WNK3: variants seen among roughly 807,000 people sequenced by gnomAD.
WNK3 encodes serine/threonine-protein kinase WNK3.
A neutral mutation model predicts 116.7 loss-of-function variants in WNK3; 18 were observed. The ratio of observed to expected loss-of-function variants is 0.15; its 90% CI spans 0.11 to 0.23. The LOEUF (loss-of-function observed/expected upper bound fraction) is 0.23, where lower values mean the gene tolerates loss of function less well. Ranked by LOEUF, WNK3 falls within the 10% of genes least tolerant of loss-of-function variation. WNK3 has a pLI of 1.00. For synonymous variants in WNK3, 404 were observed against 469.4 expected, an observed-to-expected ratio of 0.86 and a Z score of 1.80; for missense variants, 993 against 1,323.8, an observed-to-expected ratio of 0.75 and a Z score of 3.88.
intron 20 of WNK3, among the ~76,000 whole-genome samples, chrX:54,233,491 A>G (rs782450544): frequency 9.5e-4 from 97 of 102,379 alleles, no homozygotes; most frequent in African/African-American, 3.6e-3. Flanking sequence ...GAGGGAGGGA[A>G]GGAAGGAAGG....
Position 54,350,638 on chromosome X carries a change from T to C in WNK3, c.-120+7048A>G, listed in dbSNP as rs781789727. 1.7e-3 allele frequency among the ~76,000 whole-genome samples: 189 copies of C among 111,544 alleles called. 1 individual carries two copies. The highest frequency in any genetic ancestry group is 6.0e-3 in the African/African-American group (185 of 30,806). On this transcript the variant is annotated intron_variant, in intron 1 of 23. Coordinates refer to ENST00000354646, the Ensembl canonical transcript of WNK3. ...TGGAATAGCCTTTTCATAGGGCAAA[T>C]TCCAAGTATCTAGTGCATAACTGTC...
chrX:54,300,646 T>G (rs1319885002), intron 6 of WNK3, among the ~76,000 whole-genome samples: 1 of 111,773 alleles, frequency 8.9e-6, no homozygotes, highest in Non-Finnish European at 1.9e-5. Flanking sequence ...ATAGAACATA[T>G]TTAAAGGCTG....
chrX:54,238,467 T>C (rs782779614), exon 19 of WNK3: 2 of 1,202,429 alleles, frequency 1.7e-6, no homozygotes, highest in South Asian at 1.8e-5. Context: ...ATCTCTTCTG[T>C]TTCCACTGCA....
intron 22 of WNK3, among the ~76,000 whole-genome samples, chrX:54,217,566 G>A (rs1306929651): frequency 1.8e-5 from 2 of 108,187 alleles, no homozygotes; most frequent in African/African-American, 6.8e-5. Context: ...AGGTTGCAGT[G>A]AGCCGAGATC....
At chrX:54,355,767 T>C (rs2069585911) in intron 1 of WNK3, among the ~76,000 whole-genome samples, 1 of 111,718 alleles carries the variant, frequency 9.0e-6, no homozygotes, top group Non-Finnish European at 1.9e-5. Flanking sequence ...ATGCTTACAC[T>C]TTCAAGACCC....
At position 54,307,789 on chromosome X, in the gene WNK3, T is replaced by C. The variant is rs782348694; in HGVS notation, c.1089+133A>G. 9 of 496,699 alleles carry C rather than the reference T, an allele frequency of 1.8e-5. No individual in the cohort carries two copies. The African/African-American group carries it at 1.9e-4, about 11-fold the overall frequency. 40.9% of individuals were successfully genotyped at this position (496,699 alleles called of 1,213,427 possible). A position where few individuals can be genotyped will look rare whatever the true frequency, so the allele number is the denominator to read the frequency against. Reference sequence around the variant, plus strand: ...TCATATGGTATAAATCTAAGGCTTGTTGCATTACAATTGTTAATTTTAATA... The same window carrying C: ...TCATATGGTATAAATCTAAGGCTTGCTGCATTACAATTGTTAATTTTAATA... On this transcript the variant is annotated intron_variant, in intron 5 of 23. Coordinates refer to ENST00000354646, the Ensembl canonical transcript of WNK3.
rs1466945264 is a variant in WNK3 at position 54,234,608 on chromosome X, C to T, written c.4629-1588G>A. On this transcript the variant is annotated intron_variant, in intron 20 of 23. Transcript: ENST00000354646. ...TTGGGAGGCTAAGGCAGGCGGATCA[C>T]GAGGTCAGGAGATTGAGATCATCCC... 3.6e-5 allele frequency among the ~76,000 whole-genome samples: 4 copies of T among 111,351 alleles called. No homozygotes were observed. In the East Asian group the frequency reaches 8.4e-4, roughly 23 times the overall value.
intron 2 of WNK3, among the ~76,000 whole-genome samples, chrX:54,324,143 G>A (rs1370414381): frequency 1.8e-5 from 2 of 111,581 alleles, no homozygotes; most frequent in African/African-American, 6.5e-5. Context: ...CATCACTCCA[G>A]CCTCTGCTTC....
chrX:54,341,431 C>T (rs948002503), intron 1 of WNK3, among the ~76,000 whole-genome samples: 22 of 107,871 alleles, frequency 2.0e-4, no homozygotes, highest in African/African-American at 6.7e-4. Flanking sequence ...GCAATAAAAA[C>T]GAATGGTGTC....
At chrX:54,317,501 C>T (rs1421148109) in intron 2 of WNK3, among the ~76,000 whole-genome samples, 6 of 110,397 alleles carry the variant, frequency 5.4e-5, no homozygotes, top group African/African-American at 9.9e-5. Flanking sequence ...GTGAAATAAA[C>T]GAGACAGGAA....
intron 8 of WNK3, 113 bp downstream of exon 8, chrX:54,294,440 T>C (rs1172615288): frequency 1.6e-5 from 9 of 545,998 alleles, no homozygotes; most frequent in Non-Finnish European, 2.4e-5. Flanking sequence ...TAAGCAAACA[T>C]ACAAAAAGGA....
chrX:54,232,775 G>T (rs781875573), intron 21 of WNK3, 34 bp downstream of exon 21: 7 of 1,156,712 alleles, frequency 6.1e-6, no homozygotes, highest in Non-Finnish European at 8.2e-6. Context: ...TCTTGGACTA[G>T]ATTTTTTAAA....
At chrX:54,226,871 G>T (rs1181291534) in intron 22 of WNK3, among the ~76,000 whole-genome samples, 3 of 111,286 alleles carry the variant, frequency 2.7e-5, no homozygotes, top group Non-Finnish European at 5.7e-5. Flanking sequence ...ACAAACAAAA[G>T]AAATTATAGG....
intron 1 of WNK3, among the ~76,000 whole-genome samples, chrX:54,334,637 C>T (rs1396516321): frequency 8.9e-6 from 1 of 112,443 alleles, no homozygotes; most frequent in Non-Finnish European, 1.9e-5. Context: ...ATTGCTTCCA[C>T]CTTTTGACTA....
chrX:54,299,958 C>A (rs1276622233), intron 6 of WNK3, among the ~76,000 whole-genome samples: 3 of 110,608 alleles, frequency 2.7e-5, no homozygotes, highest in Non-Finnish European at 3.8e-5. Context: ...CTCCCAGGTT[C>A]GAGCAATTCT....
At chrX:54,291,616 C>T (rs1204659342) in intron 10 of WNK3, among the ~76,000 whole-genome samples, 1 of 111,615 alleles carries the variant, frequency 9.0e-6, no homozygotes, top group Admixed American at 9.6e-5. Context: ...AAATAGGCAC[C>T]ATATCACTTA....
intron 20 of WNK3, among the ~76,000 whole-genome samples, chrX:54,235,349 G>A (rs1016986354): frequency 6.3e-5 from 7 of 111,844 alleles, no homozygotes; most frequent in Non-Finnish European, 9.4e-5. Context: ...GCAGTGGTGC[G>A]ATCTCGACTC....
At chrX:54,332,371 C>A (rs888072904) in intron 2 of WNK3, among the ~76,000 whole-genome samples, 3 of 111,629 alleles carry the variant, frequency 2.7e-5, no homozygotes, top group Non-Finnish European at 5.6e-5. Flanking sequence ...TCAAGTAAAA[C>A]CTTTCCTGTT....
At chrX:54,317,481 G>A (rs1348838423) in intron 2 of WNK3, among the ~76,000 whole-genome samples, 1 of 110,293 alleles carries the variant, frequency 9.1e-6, no homozygotes, top group Non-Finnish European at 1.9e-5. Context: ...TTTTGAAAAC[G>A]TTATGGTAAG....
Sources: allele counts gnomAD v4.1 joint callset (sites outside exome capture counted in the v4.1 genomes callset), GRCh38; gene constraint gnomAD v4.1.1; transcripts MANE v1.5; gene names NCBI Gene and HGNC (gene_info 2026-07-23, HGNC 2026-07-21).